Variants in EMILIN1 observed in about 807,000 individuals in gnomAD.
The protein encoded by EMILIN1 is EMILIN-1.
EMILIN1 carries 49 observed loss-of-function variants against 82.4 expected under a neutral mutation model. The observed-to-expected ratio is 0.59, with a 90% CI of 0.47 to 0.75. EMILIN1 has a LOEUF of 0.75. EMILIN1 is among the 30% of genes least tolerant of loss of function. The probability of loss-of-function intolerance (pLI) is 0.00; values close to 1 mark genes in which losing one functional copy is unlikely to be tolerated. For synonymous variants in EMILIN1, 604 were observed against 602.2 expected (o/e 1.00, Z -0.04); for missense variants, 1,313 against 1,366.4 (o/e 0.96, Z 0.62).
Position 27,083,292 on chromosome 2 carries a change from T to A in EMILIN1, c.1721T>A (p.Leu574Gln), listed in dbSNP as rs1397072744. The change falls in exon 4 of 8, where the codon CTG becomes CAG. Residue 574 changes from leucine to glutamine, a missense_variant. Coordinates refer to ENST00000380320, the MANE Select transcript of EMILIN1 (RefSeq NM_007046.4). ...CGGCTAGGCCAACTGGAGGGGCTGC[T>A]GCAGGCCCATGGGGATGAGGGCTGT... ...AARLGQLEGL[L>Q]QAHGDEGCGA... 2.5e-6 allele frequency: 4 copies of A among 1,613,050 alleles called. No individual in the cohort carries two copies. In the East Asian group the frequency reaches 8.9e-5, roughly 36 times the overall value.
At chr2:27,081,438 C>T (rs1323729718) in intron 3 of EMILIN1, among the ~76,000 whole-genome samples, 1 of 152,136 alleles carries the variant, frequency 6.6e-6, no homozygotes, top group Non-Finnish European at 1.5e-5. Flanking sequence ...TGCCTTCCCT[C>T]CTGCGTGCTG....
intron 5 of EMILIN1, 54 bp from the exon 6 acceptor site, chr2:27,084,937 G>A (rs1370893167): frequency 2.5e-6 from 4 of 1,571,898 alleles, no homozygotes; most frequent in Non-Finnish European, 3.5e-6. Flanking sequence ...TGTTTGCTGA[G>A]TGACTTAGTG....
Position 27,083,941 on chromosome 2 carries a change from G to A in EMILIN1, c.2370G>A (p.Leu790=), listed in dbSNP as rs1669542588. Residue 790 remains leucine, a synonymous_variant, in exon 4 of 8, where the codon CTG becomes CTA. Transcript: ENST00000380320. ...VGGQAGLGRR[L]GALNSSLQLL... ...GACAGGCGGGCCTGGGCAGGCGGCTGGGTGCCCTTAACAGCTCCCTGCAGC... is the reference window on the plus strand; with the variant it reads ...GACAGGCGGGCCTGGGCAGGCGGCTAGGTGCCCTTAACAGCTCCCTGCAGC... 1.3e-6 allele frequency: 2 copies of A among 1,590,550 alleles called. No homozygotes were observed. The highest frequency in any genetic ancestry group is 1.3e-5 in the African/African-American group (1 of 74,440).
chr2:27,084,056 T>C (rs1669546162), intron 4 of EMILIN1, 45 bp downstream of exon 4: 1 of 1,432,306 alleles, frequency 7.0e-7, no homozygotes, highest in Non-Finnish European at 9.2e-7. Flanking sequence ...AAGCCCCTTA[T>C]TTTTCTTCTC....
chr2:27,082,035 G>C (rs764527793), intron 3 of EMILIN1, 48 bp from the exon 4 acceptor site: 70 of 1,514,270 alleles, frequency 4.6e-5, no homozygotes, highest in Non-Finnish European at 6.1e-5. Flanking sequence ...CAGGGGCCTT[G>C]AGCTCTGGGG....
rs1379815443 is a variant in EMILIN1 at position 27,083,574 on chromosome 2, T to A, written c.2003T>A (p.Val668Glu). ...NDSLNELQTTVEGQGADLADL... is the reference protein window; with the variant it reads ...NDSLNELQTTEEGQGADLADL... ...TCACTGAATGAGCTCCAGACCACTGTGGAGGGCCAGGGCGCTGATCTGGCT... is the reference window on the plus strand; with the variant it reads ...TCACTGAATGAGCTCCAGACCACTGAGGAGGGCCAGGGCGCTGATCTGGCT... Residue 668 changes from valine to glutamate, a missense_variant, in exon 4 of 8, where the codon GTG becomes GAG. Coordinates refer to ENST00000380320, the MANE Select transcript of EMILIN1 (RefSeq NM_007046.4). The A allele has an allele frequency of 6.2e-7, 1 of 1,614,052 alleles. No homozygotes were observed. The highest frequency in any genetic ancestry group is 1.7e-5 in the Admixed American group (1 of 60,008).
In EMILIN1 at chr2:27,086,094, G is replaced by C; in HGVS notation, c.*79G>C. ...GGGCTCCTGGGGTCTCGCCTGAGAC[G>C]GGGCACCTAGCCCTGGGCGAGCGCC... On this transcript the variant is annotated 3_prime_UTR_variant, in exon 8 of 8. Coordinates refer to ENST00000380320, the MANE Select transcript of EMILIN1 (RefSeq NM_007046.4). The C allele has an allele frequency of 8.9e-7, 1 of 1,129,500 alleles. No individual in the cohort carries two copies. Among genetic ancestry groups the C allele is most frequent in the Non-Finnish European group, 1.2e-6 (1 of 848,358 alleles). 70.0% of individuals were successfully genotyped at this position (1,129,500 alleles called of 1,614,324 possible). A position where few individuals can be genotyped will look rare whatever the true frequency, so the allele number is the denominator to read the frequency against.
At chr2:27,085,629 C>A in intron 7 of EMILIN1, 49 bp from the exon 8 acceptor site, 1 of 1,510,562 alleles carries the variant, frequency 6.6e-7, no homozygotes, top group Non-Finnish European at 9.0e-7. Flanking sequence ...AGTTCTGGTG[C>A]GCTCCCCGGA....
At position 27,083,922 on chromosome 2, in the gene EMILIN1, C is replaced by T. The variant is rs761282085; in HGVS notation, c.2351C>T (p.Ala784Val). ...CTGGAGAAGCTGGTCGGGGGACAGG[C>T]GGGCCTGGGCAGGCGGCTGGGTGCC... ...ALLEKLVGGQ[A>V]GLGRRLGALN... Residue 784 changes from alanine (A) to valine (V), a missense_variant, in exon 4 of 8, where the codon GCG becomes GTG. Transcript: ENST00000380320. The T allele has an allele frequency of 3.8e-5, 61 of 1,603,030 alleles. No homozygotes were observed. Among genetic ancestry groups the T allele is most frequent in the Non-Finnish European group, 4.6e-5 (54 of 1,173,562 alleles).
chr2:27,085,776 C>G lies in EMILIN1; in HGVS notation c.2812C>G (p.Gln938Glu). 6.2e-7 allele frequency: 1 copy of G among 1,612,752 alleles called. No individual in the cohort carries two copies. The highest frequency in any genetic ancestry group is 1.1e-5 in the South Asian group (1 of 91,086). ...KVEAVLSRSN[Q>E]GVARVDSGGY... ...GGAGGCCGTGCTGTCCCGCTCCAAC[C>G]AGGGCGTGGCCCGCGTAGACTCCGG... The change falls in exon 8 of 8, where the codon CAG becomes GAG. Residue 938 changes from glutamine to glutamate, a missense_variant. By Grantham distance (29) the Gln-to-Glu change is conservative (BLOSUM62 2). Transcript: ENST00000380320.
chr2:27,078,949 TGGGACGGAC>T lies in EMILIN1; in HGVS notation c.-113_-105del. 1 of 763,404 alleles carries T rather than the reference TGGGACGGAC, an allele frequency of 1.3e-6. No individual in the cohort carries two copies. Among genetic ancestry groups the T allele is most frequent in the South Asian group, 2.1e-5 (1 of 47,126 alleles). 47.3% of individuals were successfully genotyped at this position (763,404 alleles called of 1,614,324 possible). A position where few individuals can be genotyped will look rare whatever the true frequency, so the allele number is the denominator to read the frequency against. On this transcript the variant is annotated 5_prime_UTR_variant, in exon 1 of 8. Coordinates refer to ENST00000380320, the MANE Select transcript of EMILIN1 (RefSeq NM_007046.4). ...TGGCCGGGGGCTATCAGAAGGAAAC[TGGGACGGAC>T]GGGCCGGGCTCGGGCTGTCCTGTGG...
At position 27,080,740 on chromosome 2, in the gene EMILIN1, G is replaced by T; in HGVS notation, c.299G>T (p.Arg100Leu). The change falls in exon 3 of 8, where the codon CGC becomes CTC. Residue 100 changes from arginine (R) to leucine (L), a missense_variant. Arg to Leu is a moderately radical substitution (Grantham distance 102, BLOSUM62 -2). Transcript: ENST00000380320. ...CCTTCTGCCTCTGCCAGGTACCGCC[G>T]CTTCCTCCGCCCTCGCTACCGTGTG... The part of the protein sequence containing the change: ...PQCPQSIMYR[R>L]FLRPRYRVAY... The T allele has an allele frequency of 6.2e-7, 1 of 1,612,722 alleles. No individual in the cohort carries two copies. The highest frequency in any genetic ancestry group is 8.5e-7 in the Non-Finnish European group (1 of 1,179,562).
chr2:27,081,725 G>A (rs754766662), intron 3 of EMILIN1, among the ~76,000 whole-genome samples: 2 of 152,204 alleles, frequency 1.3e-5, no homozygotes, highest in African/African-American at 4.8e-5. Flanking sequence ...CTGGGCAGGT[G>A]GAAAGGACAT....
Position 27,084,957 on chromosome 2 carries a change from T to G in EMILIN1, c.2558-34T>G, listed in dbSNP as rs1190830055. ...GCTGAGTGACTTAGTGAGAGCTGCT[T>G]TATTTCTCACTGCTCCCTTTCCTCT... On this transcript the variant is annotated intron_variant, in intron 5 of 7. Transcript: ENST00000380320. The G allele has an allele frequency of 6.8e-6, 11 of 1,608,448 alleles. No individual in the cohort carries two copies. The East Asian group carries it at 2.5e-4, about 36-fold the overall frequency.
chr2:27,085,418 G>T lies in EMILIN1; in HGVS notation c.2713+121G>T, dbSNP rs377504999. 13 of 1,258,128 alleles carry T rather than the reference G, an allele frequency of 1.0e-5. No individual in the cohort carries two copies. The East Asian group carries it at 1.4e-4, about 14-fold the overall frequency. The allele number at this position is 1,258,128 out of a possible 1,614,324, so 77.9% of individuals were successfully genotyped here. A position where few individuals can be genotyped will look rare whatever the true frequency, so the allele number is the denominator to read the frequency against. On this transcript the variant is annotated intron_variant, in intron 7 of 7. Coordinates refer to ENST00000380320, the MANE Select transcript of EMILIN1 (RefSeq NM_007046.4). Reference sequence around the variant, plus strand: ...TCATTCTCTGATTTGGGGAGACCCCGGCTCTTTCTTCATTTATTCATTCTC... The same window carrying T: ...TCATTCTCTGATTTGGGGAGACCCCTGCTCTTTCTTCATTTATTCATTCTC...
rs1477255465 is a variant in EMILIN1 at position 27,082,990 on chromosome 2, G to A, written c.1419G>A (p.Gly473=). The A allele has an allele frequency of 6.4e-7, 1 of 1,573,254 alleles. No individual in the cohort carries two copies. Among genetic ancestry groups the A allele is most frequent in the Non-Finnish European group, 8.6e-7 (1 of 1,159,994 alleles). The part of the protein sequence containing the change: ...RLDLLEEQVA[G]AMQACGQLCS... ...ATCTGTTGGAGGAGCAGGTGGCAGGGGCCATGCAGGCATGCGGGCAGCTCT... is the reference window on the plus strand; with the variant it reads ...ATCTGTTGGAGGAGCAGGTGGCAGGAGCCATGCAGGCATGCGGGCAGCTCT... Residue 473 remains glycine, a synonymous_variant, in exon 4 of 8, where the codon GGG becomes GGA. Transcript: ENST00000380320.
chr2:27,079,210 G>GC lies in EMILIN1; in HGVS notation c.151dup (p.Arg51ProfsTer23), dbSNP rs1445463863. ...CCCCGGGGGGCCCCAGGCCCAGATT[G>GC]CCCCCCGGCCAGCCAGCCGCCACAG... On this transcript the variant is annotated frameshift_variant, in exon 1 of 8. Transcript: ENST00000380320. LOFTEE classifies it high-confidence loss of function. 6.3e-7 allele frequency: 1 copy of GC among 1,575,000 alleles called. No individual in the cohort carries two copies. Among genetic ancestry groups the GC allele is most frequent in the Non-Finnish European group, 8.6e-7 (1 of 1,166,476 alleles).
At chr2:27,079,650 G>A (rs573869523) in intron 1 of EMILIN1, among the ~76,000 whole-genome samples, 3 of 152,346 alleles carry the variant, frequency 2.0e-5, no homozygotes, top group East Asian at 3.9e-4. Flanking sequence ...ATCAGAGGCC[G>A]GAGTGAATGG....
rs369625702 is a variant in EMILIN1 at position 27,082,492 on chromosome 2, C to T, written c.921C>T (p.Ala307=). ...RLQESCSVCL[A]GLDGFRRQQQ... Reference sequence around the variant, plus strand: ...AGGAGTCCTGCTCCGTGTGCCTGGCCGGGCTAGATGGCTTCCGCCGGCAGC... The same window carrying T: ...AGGAGTCCTGCTCCGTGTGCCTGGCTGGGCTAGATGGCTTCCGCCGGCAGC... Residue 307 remains alanine (A), a synonymous_variant, in exon 4 of 8, where the codon GCC becomes GCT. Coordinates refer to ENST00000380320, the MANE Select transcript of EMILIN1 (RefSeq NM_007046.4). The T allele has an allele frequency of 1.2e-3, 1,801 of 1,551,182 alleles. 2 individuals are homozygous for T. The highest frequency in any genetic ancestry group is 1.4e-3 in the Non-Finnish European group (1,592 of 1,149,414).
Sources: gnomAD v4.1 joint callset for allele counts (sites outside exome capture counted in the v4.1 genomes callset) on GRCh38, gnomAD v4.1.1 for gene constraint, MANE v1.5 for transcripts, NCBI Gene and HGNC (gene_info 2026-07-23, HGNC 2026-07-21) for gene names.